OPCML: variants seen among roughly 807,000 people sequenced by gnomAD.
OPCML encodes opioid binding protein/cell adhesion molecule like, also known as opioid-binding protein/cell adhesion molecule.
In OPCML, 13 loss-of-function variants were observed where a neutral mutation model predicts 37.8. That is an observed-to-expected ratio of 0.34 (90% CI 0.22 to 0.55). OPCML has a LOEUF of 0.55. Among genes scored for constraint, OPCML ranks in the 20% least tolerant of loss-of-function variants. The probability of loss-of-function intolerance (pLI) is 0.91; values close to 1 mark genes in which losing one functional copy is unlikely to be tolerated. For synonymous variants in OPCML, 176 were observed against 168.8 expected (o/e 1.04, Z -0.33); for missense variants, 341 against 435.6 (o/e 0.78, Z 1.93).
intron 1 of OPCML, among the ~76,000 whole-genome samples, chr11:133,307,318 G>T (rs12421565): frequency 0.048 from 7,361 of 152,062 alleles, 201 homozygotes; most frequent in Middle Eastern, 0.071. Flanking sequence ...AGATGAAATG[G>T]CATGATAGGG....
intron 1 of OPCML, among the ~76,000 whole-genome samples, chr11:133,388,716 T>C (rs896332005): frequency 1.6e-4 from 25 of 152,198 alleles, no homozygotes; most frequent in African/African-American, 4.8e-4. Context: ...CCCCAGAACA[T>C]GTGTCATTCT....
At chr11:133,270,599 G>A (rs751570880) in intron 1 of OPCML, among the ~76,000 whole-genome samples, 1 of 152,120 alleles carries the variant, frequency 6.6e-6, no homozygotes, top group Non-Finnish European at 1.5e-5. Flanking sequence ...GCAATTTCTT[G>A]TTCAATTCAA....
intron 1 of OPCML, chr11:133,419,197 T>C: frequency 1.0e-6 from 1 of 978,168 alleles, no homozygotes; most frequent in Non-Finnish European, 1.2e-6. Flanking sequence ...GCTTTTTCTG[T>C]GCAACGGGCC....
intron 1 of OPCML, among the ~76,000 whole-genome samples, chr11:132,996,992 G>A (rs933873345): frequency 6.6e-6 from 1 of 152,152 alleles, no homozygotes; most frequent in Non-Finnish European, 1.5e-5. Flanking sequence ...CCCCTTATCT[G>A]TCTGATTAAG....
intron 1 of OPCML, among the ~76,000 whole-genome samples, chr11:132,956,708 T>C (rs1945983544): frequency 6.6e-6 from 1 of 152,176 alleles, no homozygotes; most frequent in Admixed American, 6.5e-5. Context: ...TAATGCCCCA[T>C]ACCCACTCCT....
intron 1 of OPCML, chr11:133,421,701 G>A (rs1945890504): frequency 2.0e-6 from 2 of 984,460 alleles, no homozygotes; most frequent in Non-Finnish European, 2.4e-6. Context: ...TCCTTATTGT[G>A]TATTAAGGAA....
intron 3 of OPCML, among the ~76,000 whole-genome samples, chr11:132,590,755 G>A (rs1474076907): frequency 6.6e-6 from 1 of 152,114 alleles, no homozygotes; most frequent in African/African-American, 2.4e-5. Context: ...GTTAAGCGGT[G>A]ACCAGGGTCC....
intron 1 of OPCML, among the ~76,000 whole-genome samples, chr11:132,950,522 A>G (rs577101389): frequency 2.0e-5 from 3 of 152,346 alleles, no homozygotes; most frequent in South Asian, 4.1e-4. Flanking sequence ...TATCACCTCT[A>G]TGAGACAGTC....
intron 3 of OPCML, among the ~76,000 whole-genome samples, chr11:132,646,447 T>C (rs1431275969): frequency 2.0e-5 from 3 of 152,036 alleles, no homozygotes; most frequent in African/African-American, 7.2e-5. Flanking sequence ...AAAATACAAG[T>C]GGGGTAAGTG....
chr11:132,478,528 T>C lies in OPCML; in HGVS notation c.506-41169A>G, dbSNP rs531215423. Reference sequence around the variant, plus strand: ...ATTCACATCAAAGATCTTCTTGTTCTAAGCAAAAATCTAACAGCAACATTG... The same window carrying C: ...ATTCACATCAAAGATCTTCTTGTTCCAAGCAAAAATCTAACAGCAACATTG... On this transcript the variant is annotated intron_variant, in intron 4 of 7. Coordinates refer to ENST00000524381, the MANE Select transcript of OPCML (RefSeq NM_001012393.5). 2.6e-5 allele frequency among the ~76,000 whole-genome samples: 4 copies of C among 152,308 alleles called. No individual in the cohort carries two copies. The South Asian group carries it at 8.3e-4, about 32-fold the overall frequency.
chr11:132,709,816 C>G (rs545981354), intron 2 of OPCML, among the ~76,000 whole-genome samples: 1 of 152,296 alleles, frequency 6.6e-6, no homozygotes, highest in South Asian at 2.1e-4. Context: ...ATGATTGATA[C>G]GCGTCAGAGG....
At chr11:132,728,185 G>A (rs527789214) in intron 2 of OPCML, among the ~76,000 whole-genome samples, 2 of 149,506 alleles carry the variant, frequency 1.3e-5, no homozygotes, top group South Asian at 2.3e-4. Context: ...GACAGCGCCC[G>A]CACCCTGTCT....
chr11:132,675,056 C>A (rs1197092035), intron 2 of OPCML, among the ~76,000 whole-genome samples: 1 of 151,956 alleles, frequency 6.6e-6, no homozygotes, highest in Non-Finnish European at 1.5e-5. Flanking sequence ...GAAAGACAGG[C>A]CATCTAGACA....
rs573395583 is a variant in OPCML, at chr11:132,583,350, G to A, written c.380-54164C>T. ...GCCTTGCTCTGTTGGCCAGACTGGA[G>A]TGCAGTGGTGTGATCATGGCTTATT... On this transcript the variant is annotated intron_variant, in intron 3 of 7. Transcript: ENST00000524381. Among the ~76,000 whole-genome samples, 94 of 152,254 alleles carry A rather than the reference G, an allele frequency of 6.2e-4. 1 individual carries two copies. Among genetic ancestry groups the A allele is most frequent in the African/African-American group, 2.2e-3 (90 of 41,554 alleles).
chr11:132,434,474 C>T (rs976615746), intron 7 of OPCML, among the ~76,000 whole-genome samples: 1 of 152,110 alleles, frequency 6.6e-6, no homozygotes, highest in African/African-American at 2.4e-5. Flanking sequence ...TTTGCTGACG[C>T]TGTGGGCAAA....
At chr11:132,854,906 G>C (rs1481639079) in intron 2 of OPCML, among the ~76,000 whole-genome samples, 1 of 152,142 alleles carries the variant, frequency 6.6e-6, no homozygotes, top group Non-Finnish European at 1.5e-5. Context: ...CAGGCCCTCT[G>C]TCCTCACTCA....
At chr11:133,296,135 T>C (rs908555493) in intron 1 of OPCML, among the ~76,000 whole-genome samples, 2 of 152,212 alleles carry the variant, frequency 1.3e-5, no homozygotes, top group Non-Finnish European at 2.9e-5. Context: ...CCGTAAATGA[T>C]ACAGAACTAG....
chr11:133,478,044 A>G (rs1947282938), intron 1 of OPCML, among the ~76,000 whole-genome samples: 1 of 152,208 alleles, frequency 6.6e-6, no homozygotes, highest in Non-Finnish European at 1.5e-5. Flanking sequence ...CTGGCTTGCG[A>G]CTAATTAAGT....
At chr11:132,602,708 C>T (rs955995823) in intron 3 of OPCML, among the ~76,000 whole-genome samples, 1 of 152,198 alleles carries the variant, frequency 6.6e-6, no homozygotes, top group Non-Finnish European at 1.5e-5. Context: ...GGACTCACCC[C>T]TATCTCTTAA....
Sources: gnomAD v4.1 joint callset for allele counts (sites outside exome capture counted in the v4.1 genomes callset) on GRCh38, gnomAD v4.1.1 for gene constraint, MANE v1.5 for transcripts, NCBI Gene and HGNC (gene_info 2026-07-23, HGNC 2026-07-21) for gene names.